FBLN5: variants seen among roughly 807,000 people sequenced by gnomAD.
The protein encoded by FBLN5 is fibulin-5.
FBLN5 carries 24 observed loss-of-function variants against 61.6 expected under a neutral mutation model. The ratio of observed to expected loss-of-function variants is 0.39; its 90% confidence interval spans 0.28 to 0.55. FBLN5 has a LOEUF of 0.55. FBLN5 is among the 20% of genes least tolerant of loss of function. The pLI is 0.65. For synonymous variants in FBLN5, 213 were observed against 219.8 expected (o/e 0.97, Z 0.27); for missense variants, 470 against 594.1 (o/e 0.79, Z 2.17).
At chr14:91,919,390 A>AAAGGAAGGAAGGAAGGAAGGAAGGAAGG in intron 4 of FBLN5, among the ~76,000 whole-genome samples, 1 of 99,584 alleles carries the variant, frequency 1.0e-5, no homozygotes, top group African/African-American at 3.6e-5. Context: ...AGAAAGAAAG[A>AAAGGAAGGAAGGAAGGAAGGAAGGAAGG]AAGGAAGGAA....
At chr14:91,927,865 T>C (rs1418328745) in intron 4 of FBLN5, among the ~76,000 whole-genome samples, 2 of 151,782 alleles carry the variant, frequency 1.3e-5, no homozygotes, top group African/African-American at 2.4e-5. Flanking sequence ...CAGAGTGGAG[T>C]AGAAATAAAA....
intron 2 of FBLN5, 86 bp from the exon 3 acceptor site, chr14:91,940,702 G>A: frequency 8.2e-7 from 1 of 1,212,504 alleles, no homozygotes; most frequent in Admixed American, 1.9e-5. Flanking sequence ...TTGGGGAAAT[G>A]GAGCAAAAAA....
At chr14:91,929,393 C>T (rs770034048) in intron 4 of FBLN5, among the ~76,000 whole-genome samples, 24 of 152,198 alleles carry the variant, frequency 1.6e-4, no homozygotes, top group African/African-American at 3.6e-4. Flanking sequence ...AAAAATATGA[C>T]GATAGATCCC....
chr14:91,875,337 T>G (rs1889117106), intron 10 of FBLN5, among the ~76,000 whole-genome samples: 1 of 152,106 alleles, frequency 6.6e-6, no homozygotes, highest in Non-Finnish European at 1.5e-5. Flanking sequence ...GAGCTGATGT[T>G]GACATCCTGA....
chr14:91,889,117 T>A (rs1889866358), intron 6 of FBLN5, among the ~76,000 whole-genome samples: 1 of 151,978 alleles, frequency 6.6e-6, no homozygotes, highest in Admixed American at 6.6e-5. Flanking sequence ...AGAGAGAGGG[T>A]CTAGCAAGAC....
chr14:91,885,995 G>A lies in FBLN5; in HGVS notation c.739+1198C>T, dbSNP rs149427252. Among the ~76,000 whole-genome samples, 435 of 152,334 alleles carry A rather than the reference G, an allele frequency of 2.9e-3. 3 individuals carry two copies. The highest frequency in any genetic ancestry group is 9.5e-3 in the African/African-American group (396 of 41,570). On this transcript the variant is annotated intron_variant, in intron 7 of 10. Transcript: ENST00000342058. ...GAACTTCCTGCTTGTGGCTCTGACT[G>A]TCCTGGCCCTAGGGAGAGGTGTTCA...
At chr14:91,900,844 G>C (rs770752625) in intron 4 of FBLN5, among the ~76,000 whole-genome samples, 1 of 152,200 alleles carries the variant, frequency 6.6e-6, no homozygotes, top group Non-Finnish European at 1.5e-5. Flanking sequence ...GTGGAAGATA[G>C]AAGAAGGTTG....
chr14:91,888,314 A>T (rs1889824141), intron 6 of FBLN5, among the ~76,000 whole-genome samples: 1 of 148,670 alleles, frequency 6.7e-6, no homozygotes, highest in African/African-American at 2.5e-5. Context: ...AAAATAAAAT[A>T]AAATTATAGG....
Position 91,939,328 on chromosome 14 carries a change from C to T in FBLN5, c.124+1237G>A, listed in dbSNP as rs2056069934. ...CTTTCAATACCCAATTCAAATGTGA[C>T]CTCCATTAATTTTTTTTTTTTTTTT... is the stretch of plus-strand genomic sequence containing the variant. On this transcript the variant is annotated intron_variant, in intron 3 of 10. Transcript: ENST00000342058. Among the ~76,000 whole-genome samples the T allele has an allele frequency of 4.2e-5, 6 of 144,132 alleles. No homozygotes were observed. In the South Asian group the frequency reaches 1.3e-3, roughly 32 times the overall value. 94.6% of individuals were successfully genotyped at this position (144,132 alleles called of 152,430 possible).
At chr14:91,899,552 G>A (rs138699242) in intron 4 of FBLN5, among the ~76,000 whole-genome samples, 22 of 152,354 alleles carry the variant, frequency 1.4e-4, no homozygotes, top group Admixed American at 1.2e-3. Context: ...CATCCACAGA[G>A]TGGCCTTCTC....
intron 3 of FBLN5, among the ~76,000 whole-genome samples, chr14:91,939,414 A>G (rs1233305025): frequency 6.9e-6 from 1 of 145,134 alleles, no homozygotes; most frequent in Non-Finnish European, 1.5e-5. Flanking sequence ...ATCTCAGCTC[A>G]TTGCAACCTC....
intron 5 of FBLN5, among the ~76,000 whole-genome samples, chr14:91,893,664 T>C (rs548737261): frequency 4.6e-5 from 7 of 152,300 alleles, no homozygotes; most frequent in Admixed American, 2.0e-4. Flanking sequence ...CAGCTAGAGT[T>C]TGCTGTGAAT....
intron 7 of FBLN5, among the ~76,000 whole-genome samples, chr14:91,886,943 T>A (rs1268401883): frequency 6.6e-6 from 1 of 152,156 alleles, no homozygotes; most frequent in African/African-American, 2.4e-5. Context: ...CCCACCTCTG[T>A]CCTAGAAGGT....
intron 3 of FBLN5, 102 bp downstream of exon 3, chr14:91,940,463 C>T (rs1390149938): frequency 1.0e-6 from 1 of 974,694 alleles, no homozygotes; most frequent in African/African-American, 1.6e-5. Context: ...CTGTATTCTC[C>T]CATGGGCATG....
intron 4 of FBLN5, among the ~76,000 whole-genome samples, chr14:91,896,451 G>GTAA (rs1566809112): frequency 1.3e-5 from 2 of 151,464 alleles, no homozygotes; most frequent in Admixed American, 1.3e-4. Flanking sequence ...TCACCGAATG[G>GTAA]ACCATGGTGC....
chr14:91,910,923 G>A (rs1890894391), intron 4 of FBLN5, among the ~76,000 whole-genome samples: 1 of 152,094 alleles, frequency 6.6e-6, no homozygotes, highest in Non-Finnish European at 1.5e-5. Context: ...ACAGGCAAGT[G>A]GGAACACCAG....
At chr14:91,945,034 C>T (rs2140059011) in intron 1 of FBLN5, among the ~76,000 whole-genome samples, 1 of 152,186 alleles carries the variant, frequency 6.6e-6, no homozygotes, top group East Asian at 1.9e-4. Flanking sequence ...AGTTTGAGAC[C>T]AGCCTGGGCA....
intron 4 of FBLN5, among the ~76,000 whole-genome samples, chr14:91,918,363 C>A (rs1297034658): frequency 1.3e-5 from 2 of 152,124 alleles, no homozygotes. Flanking sequence ...TACAGCAGAC[C>A]CAGATTTTCA....
At chr14:91,914,339 G>A (rs958747660) in intron 4 of FBLN5, among the ~76,000 whole-genome samples, 4 of 152,078 alleles carry the variant, frequency 2.6e-5, no homozygotes, top group South Asian at 2.1e-4. Flanking sequence ...TTAGCCGAGC[G>A]TGGTGGCAGG....
Sources: gnomAD v4.1 joint callset for allele counts (sites outside exome capture counted in the v4.1 genomes callset) on GRCh38, gnomAD v4.1.1 for gene constraint, MANE v1.5 for transcripts, NCBI Gene and HGNC (gene_info 2026-07-23, HGNC 2026-07-21) for gene names.